The following C1orf159 variants were observed in gnomAD, a reference collection of about 807,000 sequenced individuals.
The protein encoded by C1orf159 is chromosome 1 open reading frame 159, also known as uncharacterized protein C1orf159.
In C1orf159, 19 loss-of-function variants were observed where a neutral mutation model predicts 25.6. The ratio of observed to expected loss-of-function variants is 0.74; its 90% CI spans 0.52 to 1.09. C1orf159 has a LOEUF of 1.09. Ranked by LOEUF, C1orf159 falls within the 50% of genes least tolerant of loss-of-function variation. The pLI, the probability that C1orf159 is intolerant of heterozygous loss-of-function variation, is 0.00. For synonymous variants in C1orf159, 139 were observed against 124.7 expected, an observed-to-expected ratio of 1.12 and a Z score of -0.77; for missense variants, 274 against 290.6, an observed-to-expected ratio of 0.94 and a Z score of 0.42.
chr1:1,085,204 T>C, intron 7 of C1orf159: 1 of 380,938 alleles, frequency 2.6e-6, no homozygotes, highest in Non-Finnish European at 5.4e-6. Context: ...CCCAGAGACC[T>C]GGGAGGAGGC....
chr1:1,114,992 C>T (rs907690249), intron 1 of C1orf159: 3 of 152,188 alleles, frequency 2.0e-5, no homozygotes, highest in African/African-American at 7.2e-5. Context: ...AACCAAGTAA[C>T]CAAACACCAC....
At chr1:1,101,412 G>A (rs574907663) in intron 1 of C1orf159, among the ~76,000 whole-genome samples, 1 of 152,310 alleles carries the variant, frequency 6.6e-6, no homozygotes, top group South Asian at 2.1e-4. Flanking sequence ...GAACCCAGGA[G>A]GCAGAGGTTG....
chr1:1,097,588 T>C (rs1430766927), intron 1 of C1orf159, among the ~76,000 whole-genome samples: 2 of 149,842 alleles, frequency 1.3e-5, no homozygotes, highest in Non-Finnish European at 3.0e-5. Flanking sequence ...CATTAAATTT[T>C]TTTTTTTTTT....
At chr1:1,109,974 T>C (rs1646235497) in intron 1 of C1orf159, among the ~76,000 whole-genome samples, 1 of 152,216 alleles carries the variant, frequency 6.6e-6, no homozygotes, top group Non-Finnish European at 1.5e-5. Flanking sequence ...AGTTAGTGCC[T>C]GGCAGCGAGC....
chr1:1,082,579 T>C lies in C1orf159; in HGVS notation c.*314A>G, dbSNP rs922510659. Reference sequence around the variant, plus strand: ...ACCTGCCCCATAGATCGTGCCAGCTTTGGCTGCAGGCGCTGGGGCCTCACC... The same window carrying C: ...ACCTGCCCCATAGATCGTGCCAGCTCTGGCTGCAGGCGCTGGGGCCTCACC... On this transcript the variant is annotated 3_prime_UTR_variant, in exon 10 of 10. Coordinates refer to ENST00000421241, the MANE Select transcript of C1orf159 (RefSeq NM_017891.5). 12 of 408,958 alleles carry C rather than the reference T, an allele frequency of 2.9e-5. No individual in the cohort carries two copies. Among genetic ancestry groups the C allele is most frequent in the African/African-American group, 2.3e-4 (11 of 48,060 alleles). 25.3% of individuals were successfully genotyped at this position (408,958 alleles called of 1,614,324 possible).
Position 1,087,912 on chromosome 1 carries a change from G to A in C1orf159, c.149-315C>T, listed in dbSNP as rs920356933. Among the ~76,000 whole-genome samples the A allele has an allele frequency of 5.4e-5, 8 of 147,612 alleles. No individual in the cohort carries two copies. Among genetic ancestry groups the A allele is most frequent in the African/African-American group, 2.0e-4 (8 of 39,798 alleles). On this transcript the variant is annotated intron_variant, in intron 4 of 9. Transcript: ENST00000421241. This position sits in a 1 kb window ranked among gnomAD's most constrained non-coding sequence, Gnocchi z 8.3. ...TGCACTCTCCACGCCGAGCACCCCA[G>A]CCCCGAGTACTCCACGCTGCACTCC...
chr1:1,091,916 T>G, intron 2 of C1orf159, 75 bp downstream of exon 2: 1 of 442,466 alleles, frequency 2.3e-6, no homozygotes, highest in Admixed American at 2.6e-5. Flanking sequence ...TGGAGCCAAA[T>G]GGAGGTGGGG....
chr1:1,086,073 C>G, intron 6 of C1orf159, 61 bp from the exon 7 acceptor site: 1 of 1,581,884 alleles, frequency 6.3e-7, no homozygotes, highest in East Asian at 2.3e-5. Flanking sequence ...TCGCCTGGCC[C>G]CCGGTGCCCC....
chr1:1,082,951 A>G lies in C1orf159; in HGVS notation c.539T>C (p.Leu180Pro), dbSNP rs1645768126. The G allele has an allele frequency of 1.9e-6, 3 of 1,603,458 alleles. No homozygotes were observed. The African/African-American group carries it at 4.0e-5, about 21-fold the overall frequency. The change falls in exon 10 of 10, where the codon CTG becomes CCG. Residue 180 changes from leucine to proline, a missense_variant. Physicochemically the swap from Leu to Pro is moderately conservative, Grantham distance 98 (BLOSUM62 -3). Coordinates refer to ENST00000421241, the MANE Select transcript of C1orf159 (RefSeq NM_017891.5). ...GGCAGCGGGATCCGTGGCCCTGTCC[A>G]GGGGCCGCTCCCGCCTGACGTAGCG... ...KPRYVRRERPLDRATDPAAFP... is the reference protein window; with the variant it reads ...KPRYVRRERPPDRATDPAAFP...
chr1:1,083,106 G>A (rs1645771775), intron 9 of C1orf159, 119 bp from the exon 10 acceptor site: 5 of 801,204 alleles, frequency 6.2e-6, no homozygotes, highest in Admixed American at 5.8e-5. Context: ...GCCCGGGGCT[G>A]TTTACTCTGA....
At chr1:1,090,043 T>C (rs1215861745) in intron 4 of C1orf159, among the ~76,000 whole-genome samples, 1 of 152,210 alleles carries the variant, frequency 6.6e-6, no homozygotes, top group African/African-American at 2.4e-5. Flanking sequence ...GACAGCCCCG[T>C]GAGAATGGCT....
intron 1 of C1orf159, among the ~76,000 whole-genome samples, chr1:1,101,627 G>A (rs569164138): frequency 3.3e-5 from 5 of 151,928 alleles, no homozygotes; most frequent in South Asian, 2.1e-4. Context: ...AGGGTCCGTC[G>A]GCTCATGGTC....
chr1:1,083,803 T>G (rs554507538), intron 9 of C1orf159: 1 of 1,018,760 alleles, frequency 9.8e-7, no homozygotes, highest in Non-Finnish European at 1.5e-6. Context: ...GACAGACTTC[T>G]GCACAGGGGG....
intron 1 of C1orf159, among the ~76,000 whole-genome samples, chr1:1,102,062 ACT>A (rs1295013652): frequency 2.3e-5 from 3 of 131,316 alleles, no homozygotes; most frequent in Non-Finnish European, 4.8e-5. Context: ...CAACAGCAAA[ACT>A]CTGTCTCAAA....
Position 1,087,107 on chromosome 1 carries a change from G to T in C1orf159, c.310+32C>A. ...GACGGCCCCCAGCCCCCAGGACACC[G>T]GCAGAGGTGGCTGTGGCCTGCTGAG... is the stretch of plus-strand genomic sequence containing the variant. On this transcript the variant is annotated intron_variant, in intron 6 of 9. Coordinates refer to ENST00000421241, the MANE Select transcript of C1orf159 (RefSeq NM_017891.5). This position sits in a 1 kb window ranked among gnomAD's most constrained non-coding sequence, Gnocchi z 8.3. The T allele has an allele frequency of 6.3e-7, 1 of 1,595,036 alleles. No homozygotes were observed. The highest frequency in any genetic ancestry group is 1.7e-5 in the Admixed American group (1 of 59,576).
intron 1 of C1orf159, among the ~76,000 whole-genome samples, chr1:1,112,060 A>G (rs2100779941): frequency 6.6e-6 from 1 of 152,310 alleles, no homozygotes; most frequent in South Asian, 2.1e-4. Context: ...GGCTCAGCAG[A>G]CGTGAGCAGG....
At chr1:1,096,185 G>A (rs911946450) in intron 1 of C1orf159, among the ~76,000 whole-genome samples, 1 of 152,170 alleles carries the variant, frequency 6.6e-6, no homozygotes, top group African/African-American at 2.4e-5. Flanking sequence ...AAAACAAGCT[G>A]GGAAATAGGC....
chr1:1,099,612 A>G (rs113657562), intron 1 of C1orf159, among the ~76,000 whole-genome samples: 5 of 86,542 alleles, frequency 5.8e-5, no homozygotes, highest in African/African-American at 3.8e-4. Context: ...TTTTTGGTCT[A>G]TTGTTCTAAG....
At position 1,111,488 on chromosome 1, in the gene C1orf159, T is replaced by A. The variant is rs976796262; in HGVS notation, c.-136+4572A>T. Among the ~76,000 whole-genome samples the A allele has an allele frequency of 5.9e-5, 9 of 151,966 alleles. No homozygotes were observed. In the East Asian group the frequency reaches 1.7e-3, roughly 29 times the overall value. ...AGGTCAAGGCTACAGTGAGCCATGA[T>A]CGCACCACTGCACTCTACCTGGGCG... is the stretch of plus-strand genomic sequence containing the variant. On this transcript the variant is annotated intron_variant, in intron 1 of 9. Transcript: ENST00000421241.
Sources: gnomAD v4.1 joint callset for allele counts (sites outside exome capture counted in the v4.1 genomes callset) on GRCh38, gnomAD v4.1.1 for gene constraint, Gnocchi (gnomAD v3.1) non-coding constraint, MANE v1.5 for transcripts, NCBI Gene and HGNC (gene_info 2026-07-23, HGNC 2026-07-21) for gene names.